The following DOCK2 variants were observed in gnomAD, a reference collection of about 807,000 sequenced individuals.
The protein encoded by DOCK2 is dedicator of cytokinesis protein 2.
Under a neutral mutation model 248.9 loss-of-function variants are expected in DOCK2, and 87 were observed. The observed-to-expected ratio is 0.35, with a 90% CI of 0.29 to 0.42. The LOEUF (loss-of-function observed/expected upper bound fraction) is 0.42. Ranked by LOEUF, DOCK2 falls within the 10% of genes least tolerant of loss-of-function variation. The probability of loss-of-function intolerance (pLI) is 1.00; values close to 1 mark genes in which losing one functional copy is unlikely to be tolerated. For missense variants in DOCK2, 1,747 were observed against 2,300.2 expected, an observed-to-expected ratio of 0.76 and a Z score of 4.92; for synonymous variants, 805 against 821.6, an observed-to-expected ratio of 0.98 and a Z score of 0.35.
In DOCK2 at chr5:170,019,037, C is replaced by G. The variant is rs780318765; in HGVS notation, c.3310C>G (p.Arg1104Gly). The G allele has an allele frequency of 3.7e-6, 6 of 1,613,994 alleles. No individual in the cohort carries two copies. The highest frequency in any genetic ancestry group is 4.2e-6 in the Non-Finnish European group (5 of 1,179,952). Reference sequence around the variant, plus strand: ...GACACTTATCCCTGAGGCTGAGCTCCGGAAAGCCACCATACCAATCTTCTT... The same window carrying G: ...GACACTTATCCCTGAGGCTGAGCTCGGGAAAGCCACCATACCAATCTTCTT... ...EMTLIPEAEL[R>G]KATIPIFFDM... The change falls in exon 33 of 52, where the codon CGG becomes GGG. Residue 1104 changes from arginine (R) to glycine (G), a missense_variant. Physicochemically the swap from Arg to Gly is moderately radical, Grantham distance 125. This residue lies in a region of DOCK2 where 858 missense variants were observed against 1,183.5 expected (regional missense o/e 0.72). Coordinates refer to ENST00000520908, the MANE Select transcript of DOCK2 (RefSeq NM_004946.3).
chr5:170,029,947 T>C (rs1756070337), intron 34 of DOCK2, among the ~76,000 whole-genome samples: 1 of 152,158 alleles, frequency 6.6e-6, no homozygotes, highest in South Asian at 2.1e-4. Context: ...TGCATGGCCC[T>C]CACTAAACAC....
intron 27 of DOCK2, among the ~76,000 whole-genome samples, chr5:169,888,012 T>A (rs1031167994): frequency 6.6e-6 from 1 of 152,242 alleles, no homozygotes; most frequent in African/African-American, 2.4e-5. Context: ...TGTTTATTGG[T>A]TTTACACAAC....
At chr5:170,038,842 G>T (rs1317653236) in intron 36 of DOCK2, among the ~76,000 whole-genome samples, 3 of 152,092 alleles carry the variant, frequency 2.0e-5, no homozygotes. Flanking sequence ...GCTCTCCCCT[G>T]GGCTGCTCTC....
In DOCK2 at chr5:169,708,492, G is replaced by A. The variant is rs1581071948; in HGVS notation, c.1482+225G>A. Among the ~76,000 whole-genome samples the A allele has an allele frequency of 2.0e-5, 3 of 152,240 alleles. No homozygotes were observed. The East Asian group carries it at 5.8e-4, about 29-fold the overall frequency. On this transcript the variant is annotated intron_variant, in intron 15 of 51. Coordinates refer to ENST00000520908, the MANE Select transcript of DOCK2 (RefSeq NM_004946.3). Reference sequence around the variant, plus strand: ...TATCAGAGCTGGGATTCAAACCTGAGCAGTCTGGCTCTGGGTCTGTGCTCA... The same window carrying A: ...TATCAGAGCTGGGATTCAAACCTGAACAGTCTGGCTCTGGGTCTGTGCTCA...
chr5:170,049,998 T>C (rs960687708), intron 40 of DOCK2, among the ~76,000 whole-genome samples: 2 of 152,190 alleles, frequency 1.3e-5, no homozygotes, highest in Admixed American at 1.3e-4. Flanking sequence ...CTGGAAGCTG[T>C]ACATAGGATG....
At chr5:169,691,126 C>T (rs1760271938) in intron 9 of DOCK2, among the ~76,000 whole-genome samples, 1 of 152,162 alleles carries the variant, frequency 6.6e-6, no homozygotes, top group Non-Finnish European at 1.5e-5. Context: ...AAAGGGAAAG[C>T]AGGCTTGTCC....
At chr5:169,874,560 GA>G (rs1772201597) in intron 27 of DOCK2, among the ~76,000 whole-genome samples, 1 of 152,144 alleles carries the variant, frequency 6.6e-6, no homozygotes, top group Non-Finnish European at 1.5e-5. Flanking sequence ...CCCCTATCCT[GA>G]AGTGGGAATG....
intron 46 of DOCK2, 22 bp downstream of exon 46, chr5:170,069,242 G>A (rs1392341529): frequency 6.2e-7 from 1 of 1,611,524 alleles, no homozygotes; most frequent in Non-Finnish European, 8.5e-7. Context: ...CTGGCCAGGG[G>A]AGCATGCTGC....
At chr5:169,744,497 G>T (rs1036629255) in intron 22 of DOCK2, among the ~76,000 whole-genome samples, 2 of 152,078 alleles carry the variant, frequency 1.3e-5, no homozygotes, top group South Asian at 2.1e-4. Context: ...GAAGAAGCTG[G>T]CTCTACTCTG....
intron 27 of DOCK2, among the ~76,000 whole-genome samples, chr5:169,938,866 C>T (rs1581446118): frequency 6.6e-6 from 1 of 151,904 alleles, no homozygotes; most frequent in Admixed American, 6.6e-5. Flanking sequence ...TTTCTTTCTT[C>T]ATATCCTTAT....
chr5:170,067,798 G>A (rs1757546243), intron 45 of DOCK2, 112 bp downstream of exon 45: 1 of 1,219,116 alleles, frequency 8.2e-7, no homozygotes, highest in Non-Finnish European at 1.1e-6. Context: ...GACTGTCCTT[G>A]TCCCCAGAGG....
chr5:169,713,860 T>C (rs1029158378), intron 17 of DOCK2, among the ~76,000 whole-genome samples, 168 bp from the exon 18 acceptor site: 2 of 152,216 alleles, frequency 1.3e-5, no homozygotes. Context: ...ACCTGTATTG[T>C]GGAAAAACAG....
intron 27 of DOCK2, among the ~76,000 whole-genome samples, chr5:169,949,392 G>T (rs1033250285): frequency 2.0e-5 from 3 of 152,164 alleles, no homozygotes; most frequent in African/African-American, 7.2e-5. Flanking sequence ...TGTTCCTGGG[G>T]CTGCCTGAAG....
chr5:169,645,435 C>G (rs1757407287), intron 1 of DOCK2, among the ~76,000 whole-genome samples: 2 of 152,188 alleles, frequency 1.3e-5, no homozygotes, highest in South Asian at 4.1e-4. Context: ...CTAGAAGTGT[C>G]TGTTTATATC....
intron 10 of DOCK2, among the ~76,000 whole-genome samples, chr5:169,697,670 T>G (rs1488741406): frequency 6.6e-6 from 1 of 152,100 alleles, no homozygotes; most frequent in East Asian, 1.9e-4. Flanking sequence ...CAGTCAGTGG[T>G]TGATTATTAC....
In DOCK2 at chr5:169,989,077, A is replaced by G. The variant is rs537931052; in HGVS notation, c.2993+3155A>G. On this transcript the variant is annotated intron_variant, in intron 29 of 51. Coordinates refer to ENST00000520908, the MANE Select transcript of DOCK2 (RefSeq NM_004946.3). ...TTTTATAATTTTTCTATTATCACTT[A>G]TGATTTCTGTGTTATGTATGCATTA... 3.9e-5 allele frequency among the ~76,000 whole-genome samples: 6 copies of G among 152,200 alleles called. 1 individual carries two copies. The South Asian group carries it at 1.0e-3, about 26-fold the overall frequency.
chr5:169,865,477 C>T (rs1392573693), intron 27 of DOCK2, among the ~76,000 whole-genome samples: 3 of 152,172 alleles, frequency 2.0e-5, no homozygotes, highest in African/African-American at 7.2e-5. Flanking sequence ...AGAGCCGGGG[C>T]AGAAAAAACG....
chr5:169,774,288 T>C (rs1765256933), intron 25 of DOCK2, among the ~76,000 whole-genome samples: 1 of 152,204 alleles, frequency 6.6e-6, no homozygotes, highest in African/African-American at 2.4e-5. Flanking sequence ...TAATAAGTAA[T>C]GTATGGCCAC....
At chr5:169,856,467 G>A (rs972763364) in intron 27 of DOCK2, among the ~76,000 whole-genome samples, 2 of 152,148 alleles carry the variant, frequency 1.3e-5, no homozygotes, top group Admixed American at 6.5e-5. Flanking sequence ...GTGCATATTA[G>A]TGGAGATGAG....
Sources: gnomAD v4.1 joint callset for allele counts (sites outside exome capture counted in the v4.1 genomes callset) on GRCh38, gnomAD v4.1.1 for gene constraint, gnomAD v4.1.1 regional missense constraint, MANE v1.5 for transcripts, NCBI Gene and HGNC (gene_info 2026-07-23, HGNC 2026-07-21) for gene names.